Variants in AKIRIN2 observed in about 807,000 individuals in gnomAD.
AKIRIN2 encodes the protein akirin 2, also known as akirin-2.
AKIRIN2 carries 6 observed loss-of-function variants against 29.3 expected under a neutral mutation model. The observed-to-expected ratio is 0.20, with a 90% CI of 0.11 to 0.40. The LOEUF is 0.40. AKIRIN2 is among the 10% of genes least tolerant of loss of function. The pLI, the probability that AKIRIN2 is intolerant of heterozygous loss-of-function variation, is 1.00. For missense variants in AKIRIN2, 210 were observed against 276.1 expected (o/e 0.76, Z 1.70); for synonymous variants, 128 against 117.5 (o/e 1.09, Z -0.58).
chr6:87,697,825 C>G (rs1771396175), intron 1 of AKIRIN2, among the ~76,000 whole-genome samples: 1 of 152,274 alleles, frequency 6.6e-6, no homozygotes, highest in South Asian at 2.1e-4. Context: ...AATTCAATTC[C>G]TAAGGCAGAT....
chr6:87,701,179 G>A (rs957711165), intron 1 of AKIRIN2, among the ~76,000 whole-genome samples: 1 of 151,920 alleles, frequency 6.6e-6, no homozygotes, highest in Non-Finnish European at 1.5e-5. Flanking sequence ...TCGGCCCAAA[G>A]AAAAAGATGT....
chr6:87,698,959 T>C (rs558249228), intron 1 of AKIRIN2, among the ~76,000 whole-genome samples: 2 of 152,216 alleles, frequency 1.3e-5, no homozygotes, highest in East Asian at 3.9e-4. Flanking sequence ...GTATACATGC[T>C]CTGAAAAAAA....
At chr6:87,684,314 A>G (rs1771157758) in intron 1 of AKIRIN2, among the ~76,000 whole-genome samples, 1 of 152,188 alleles carries the variant, frequency 6.6e-6, no homozygotes, top group South Asian at 2.1e-4. Context: ...ACTTTTAAAA[A>G]TTTTATCTTT....
chr6:87,693,643 T>C (rs1017973501), intron 1 of AKIRIN2, among the ~76,000 whole-genome samples: 1 of 150,470 alleles, frequency 6.6e-6, no homozygotes, highest in African/African-American at 2.5e-5. Flanking sequence ...GAGAATCGCT[T>C]GACCCCAGGA....
chr6:87,681,230 G>A (rs1479144478), intron 2 of AKIRIN2, among the ~76,000 whole-genome samples: 1 of 152,170 alleles, frequency 6.6e-6, no homozygotes, highest in Non-Finnish European at 1.5e-5. Context: ...TAGAGACAGA[G>A]TTTTGCCATG....
intron 1 of AKIRIN2, among the ~76,000 whole-genome samples, chr6:87,696,987 CAG>C (rs992201969): frequency 1.3e-5 from 2 of 149,060 alleles, no homozygotes; most frequent in African/African-American, 5.0e-5. Context: ...GCCTAGGCGA[CAG>C]AGTGAGACTC....
chr6:87,679,149 A>G (rs947008061), intron 2 of AKIRIN2, among the ~76,000 whole-genome samples: 6 of 144,990 alleles, frequency 4.1e-5, no homozygotes, highest in African/African-American at 1.7e-4. Context: ...AAAAAAAAAA[A>G]AAAAAGAAAT....
rs201472497 is a variant in AKIRIN2, at chr6:87,687,439, CAA to C, written c.236-5678_236-5677del. On this transcript the variant is annotated intron_variant, in intron 1 of 4. Coordinates refer to ENST00000257787, the MANE Select transcript of AKIRIN2 (RefSeq NM_018064.4). The stretch of plus-strand genomic sequence containing the variant: ...GGGCAACAAGAGCAAAATTCCGTTT[CAA>C]AAAAAAAAAAAAAAACACACTACTT... 2.7e-4 allele frequency among the ~76,000 whole-genome samples: 29 copies of C among 109,142 alleles called. No homozygotes were observed. In the East Asian group the frequency reaches 2.9e-3, roughly 11 times the overall value. The allele number at this position is 109,142 out of a possible 152,430, so 71.6% of individuals were successfully genotyped here.
At chr6:87,680,461 C>T (rs1001539037) in intron 2 of AKIRIN2, among the ~76,000 whole-genome samples, 10 of 150,772 alleles carry the variant, frequency 6.6e-5, no homozygotes, top group African/African-American at 2.4e-4. Context: ...TTAGTAGAGA[C>T]GGGGTTTCAC....
intron 2 of AKIRIN2, among the ~76,000 whole-genome samples, chr6:87,678,908 G>C (rs757824393): frequency 5.3e-5 from 8 of 152,150 alleles, no homozygotes; most frequent in Non-Finnish European, 1.2e-4. Context: ...GGCCGAGGCA[G>C]GCGGATCACC....
rs528702795 is a variant in AKIRIN2 at position 87,701,758 on chromosome 6, G to A, written c.-74C>T. The stretch of plus-strand genomic sequence containing the variant: ...GACGAAAGAAGAGGGTGAGGGAAGG[G>A]GTGAAGAGCGGGAACTCGAGGAGAG... On this transcript the variant is annotated 5_prime_UTR_variant, in exon 1 of 5. Coordinates refer to ENST00000257787, the MANE Select transcript of AKIRIN2 (RefSeq NM_018064.4). 8 of 1,115,366 alleles carry A rather than the reference G, an allele frequency of 7.2e-6. No individual in the cohort carries two copies. In the East Asian group the frequency reaches 9.6e-5, roughly 13 times the overall value. The allele number at this position is 1,115,366 out of a possible 1,614,324, so 69.1% of individuals were successfully genotyped here.
chr6:87,693,321 A>G (rs575056284), intron 1 of AKIRIN2, among the ~76,000 whole-genome samples: 1 of 152,326 alleles, frequency 6.6e-6, no homozygotes, highest in South Asian at 2.1e-4. Flanking sequence ...AAAAAATTGT[A>G]ACACCTCTTC....
At chr6:87,687,615 G>GAT (rs377025226) in intron 1 of AKIRIN2, among the ~76,000 whole-genome samples, 11 of 151,986 alleles carry the variant, frequency 7.2e-5, no homozygotes, top group African/African-American at 2.4e-4. Flanking sequence ...AGAATGAGCT[G>GAT]ATACCATTTT....
chr6:87,681,890 G>A, intron 1 of AKIRIN2, 127 bp from the exon 2 acceptor site: 2 of 815,646 alleles, frequency 2.5e-6, no homozygotes, highest in South Asian at 4.2e-5. Context: ...CCAGAAAACT[G>A]ACATTTTGGT....
chr6:87,697,179 G>A (rs1771383777), intron 1 of AKIRIN2, among the ~76,000 whole-genome samples: 1 of 151,978 alleles, frequency 6.6e-6, no homozygotes, highest in South Asian at 2.1e-4. Flanking sequence ...CAGGTGTGGT[G>A]GCGCACGCCT....
chr6:87,677,739 A>T lies in AKIRIN2; in HGVS notation c.529+79T>A, dbSNP rs114249665. ...AGAATATACCGCACCAGTGTATAGA[A>T]AGTGAAATTAAAGTACACGTGGAAA... is the stretch of plus-strand genomic sequence containing the variant. On this transcript the variant is annotated intron_variant, in intron 3 of 4. Transcript: ENST00000257787. 1.9e-3 allele frequency: 2,777 copies of T among 1,491,486 alleles called. 36 individuals are homozygous for T. The African/African-American group carries it at 0.032, about 17-fold the overall frequency. The allele number at this position is 1,491,486 out of a possible 1,614,324, so 92.4% of individuals were successfully genotyped here.
chr6:87,687,171 C>T (rs960303063), intron 1 of AKIRIN2, among the ~76,000 whole-genome samples: 2 of 148,720 alleles, frequency 1.3e-5, no homozygotes, highest in South Asian at 4.3e-4. Context: ...AACTAAGACA[C>T]ACTGTTCCAA....
chr6:87,677,991 T>C (rs374299218), intron 2 of AKIRIN2, 24 bp from the exon 3 acceptor site: 5 of 1,599,174 alleles, frequency 3.1e-6, no homozygotes, highest in South Asian at 1.1e-5. Flanking sequence ...GGACAAAAAA[T>C]AGCACCTGGT....
At chr6:87,676,033 A>C (rs1582113052) in intron 3 of AKIRIN2, 102 bp from the exon 4 acceptor site, 1 of 950,450 alleles carries the variant, frequency 1.1e-6, no homozygotes, top group African/African-American at 1.6e-5. Flanking sequence ...TAAGTTGACA[A>C]AATCACTTAC....
Sources: allele counts gnomAD v4.1 joint callset (sites outside exome capture counted in the v4.1 genomes callset), GRCh38; gene constraint gnomAD v4.1.1; transcripts MANE v1.5; gene names NCBI Gene and HGNC (gene_info 2026-07-23, HGNC 2026-07-21).